Variants in GRIN2A observed in about 807,000 individuals in gnomAD.
The protein encoded by GRIN2A is glutamate ionotropic receptor NMDA type subunit 2A, also known as glutamate receptor ionotropic, NMDA 2A.
In GRIN2A, 22 loss-of-function variants were observed where a neutral mutation model predicts 113.4. That is an observed-to-expected ratio of 0.19 (90% CI 0.14 to 0.28). The LOEUF is 0.28. GRIN2A is among the 10% of genes least tolerant of loss of function. The pLI, the probability that GRIN2A is intolerant of heterozygous loss-of-function variation, is 1.00. For missense variants in GRIN2A, 1,502 were observed against 1,887.0 expected (o/e 0.80, Z 3.78); for synonymous variants, 827 against 738.4 (o/e 1.12, Z -1.94).
At chr16:9,975,794 C>A (rs913043247) in intron 2 of GRIN2A, among the ~76,000 whole-genome samples, 1 of 152,144 alleles carries the variant, frequency 6.6e-6, no homozygotes, top group Non-Finnish European at 1.5e-5. Context: ...AATGTAAAGA[C>A]GCAGACAGAT....
Position 9,994,974 on chromosome 16 carries a change from G to A in GRIN2A, c.415-56423C>T, listed in dbSNP as rs117887928. Among the ~76,000 whole-genome samples, 1,245 of 152,286 alleles carry A rather than the reference G, an allele frequency of 8.2e-3. 11 individuals carry two copies. The highest frequency in any genetic ancestry group is 0.027 in the Middle Eastern group (8 of 294). On this transcript the variant is annotated intron_variant, in intron 2 of 12. Coordinates refer to ENST00000330684, the MANE Select transcript of GRIN2A (RefSeq NM_001134407.3). The stretch of plus-strand genomic sequence containing the variant: ...ATAGGGTATGACAAGGGAGGGGAGG[G>A]GCTCTTGGAGACTGACTCGGTCAAA...
At chr16:9,809,713 CATG>C (rs2042049997) in intron 10 of GRIN2A, among the ~76,000 whole-genome samples, 1 of 152,160 alleles carries the variant, frequency 6.6e-6, no homozygotes. Context: ...AGATGCTGGG[CATG>C]CCAACCTCCC....
At chr16:10,004,546 G>C (rs990539735) in intron 2 of GRIN2A, among the ~76,000 whole-genome samples, 12 of 152,118 alleles carry the variant, frequency 7.9e-5, no homozygotes, top group Non-Finnish European at 1.5e-5. Context: ...GTGTCAGCAG[G>C]GGTGTATTCT....
intron 2 of GRIN2A, among the ~76,000 whole-genome samples, chr16:10,011,102 T>C (rs1156738814): frequency 6.6e-6 from 1 of 152,224 alleles, no homozygotes; most frequent in Admixed American, 6.5e-5. Context: ...AGAATACTTA[T>C]CTACCTTCCC....
chr16:10,121,483 C>CA (rs992473605), intron 2 of GRIN2A: 1 of 151,658 alleles, frequency 6.6e-6, no homozygotes, highest in Non-Finnish European at 1.5e-5. Context: ...AGGCAGAGCC[C>CA]CGGGAGCCCA....
chr16:10,064,815 A>C (rs1022339938), intron 2 of GRIN2A, among the ~76,000 whole-genome samples: 1 of 152,164 alleles, frequency 6.6e-6, no homozygotes, highest in Non-Finnish European at 1.5e-5. Context: ...GGACTAGACT[A>C]TGGGGAAATC....
At chr16:10,003,221 C>A (rs1030446064) in intron 2 of GRIN2A, among the ~76,000 whole-genome samples, 2 of 152,092 alleles carry the variant, frequency 1.3e-5, no homozygotes, top group East Asian at 3.8e-4. Context: ...AGATGAAGAG[C>A]AGAAACAGAA....
chr16:9,788,114 C>T (rs1902345607), intron 11 of GRIN2A, among the ~76,000 whole-genome samples: 1 of 152,228 alleles, frequency 6.6e-6, no homozygotes, highest in African/African-American at 2.4e-5. Flanking sequence ...TCTGTGGATG[C>T]ACAGGCTAAA....
In GRIN2A at chr16:9,953,537, T is replaced by G. The variant is rs191376402; in HGVS notation, c.415-14986A>C. On this transcript the variant is annotated intron_variant, in intron 2 of 12. Transcript: ENST00000330684. ...GAAGGTGGATAGGCAGGTCTGAAGA[T>G]GAGAAAGGGGTCAGGGCTGAGGCTT... Among the ~76,000 whole-genome samples the G allele has an allele frequency of 1.8e-3, 269 of 151,838 alleles. 3 individuals are homozygous for G. The highest frequency in any genetic ancestry group is 6.1e-3 in the African/African-American group (254 of 41,384).
intron 9 of GRIN2A, among the ~76,000 whole-genome samples, chr16:9,826,347 C>T (rs2042387130): frequency 6.6e-6 from 1 of 152,118 alleles, no homozygotes; most frequent in Non-Finnish European, 1.5e-5. Flanking sequence ...ATCAACATTG[C>T]AATTTTCTCT....
At chr16:9,956,922 G>A (rs1314559000) in intron 2 of GRIN2A, among the ~76,000 whole-genome samples, 5 of 152,122 alleles carry the variant, frequency 3.3e-5, no homozygotes, top group Non-Finnish European at 7.3e-5. Context: ...ATTGGGGTGA[G>A]GGTGAAAGAG....
chr16:10,026,726 AG>A (rs1194019069), intron 2 of GRIN2A, among the ~76,000 whole-genome samples: 1 of 152,188 alleles, frequency 6.6e-6, no homozygotes, highest in Non-Finnish European at 1.5e-5. Context: ...AGGAAAGCCT[AG>A]TAGCTCCACT....
chr16:10,042,387 C>G (rs7197547), intron 2 of GRIN2A, among the ~76,000 whole-genome samples: 2 of 151,704 alleles, frequency 1.3e-5, no homozygotes, highest in African/African-American at 4.8e-5. Context: ...AGCAGCCCCA[C>G]GGAGAGGTTC....
intron 2 of GRIN2A, among the ~76,000 whole-genome samples, chr16:9,985,912 A>G (rs1449371397): frequency 6.6e-6 from 1 of 152,226 alleles, no homozygotes; most frequent in Non-Finnish European, 1.5e-5. Context: ...TGATGTGACT[A>G]TCATGCATTG....
rs374723990 is a variant in GRIN2A, at chr16:9,900,559, G to C, written c.1008-9459C>G. Among the ~76,000 whole-genome samples, 4 of 152,126 alleles carry C rather than the reference G, an allele frequency of 2.6e-5. No individual in the cohort carries two copies. The East Asian group carries it at 5.8e-4, about 22-fold the overall frequency. On this transcript the variant is annotated intron_variant, in intron 3 of 12. Transcript: ENST00000330684. ...CTCCACAGAGCATACCTGAAACTTT[G>C]ACCCAACTGGCCAAAGATTTCAACT...
chr16:9,771,456 C>G (rs1901267797), intron 11 of GRIN2A, among the ~76,000 whole-genome samples: 2 of 151,408 alleles, frequency 1.3e-5, no homozygotes, highest in East Asian at 1.9e-4. Flanking sequence ...ATCATAATAT[C>G]CCATCCTTTT....
intron 10 of GRIN2A, among the ~76,000 whole-genome samples, chr16:9,814,512 T>C (rs553001488): frequency 6.6e-6 from 1 of 152,208 alleles, no homozygotes; most frequent in South Asian, 2.1e-4. Context: ...GGACATATGA[T>C]GATGGTGTTC....
chr16:9,961,793 G>A (rs959908836), intron 2 of GRIN2A, among the ~76,000 whole-genome samples: 3 of 151,574 alleles, frequency 2.0e-5, no homozygotes, highest in Admixed American at 6.6e-5. Context: ...AGTTCATATG[G>A]AACCAAAAAA....
chr16:9,916,522 A>C (rs1018808736), intron 3 of GRIN2A, among the ~76,000 whole-genome samples: 2 of 152,206 alleles, frequency 1.3e-5, no homozygotes, highest in Non-Finnish European at 2.9e-5. Flanking sequence ...CAAAAGGCAC[A>C]ACTCTCAGAG....
Sources: gnomAD v4.1 joint callset for allele counts (sites outside exome capture counted in the v4.1 genomes callset) on GRCh38, gnomAD v4.1.1 for gene constraint, MANE v1.5 for transcripts, NCBI Gene and HGNC (gene_info 2026-07-23, HGNC 2026-07-21) for gene names.